Variants in EHBP1 observed in about 807,000 individuals in gnomAD.
The protein encoded by EHBP1 is EH domain-binding protein 1.
A neutral mutation model predicts 144.0 loss-of-function variants in EHBP1; 55 were observed. The observed-to-expected ratio is 0.38, with a 90% CI of 0.31 to 0.48. EHBP1 has a LOEUF of 0.48. Among genes scored for constraint, EHBP1 ranks in the 20% least tolerant of loss-of-function variants. The pLI is 0.98. For synonymous variants in EHBP1, 469 were observed against 472.7 expected (o/e 0.99, Z 0.10); for missense variants, 1,200 against 1,364.2 (o/e 0.88, Z 1.90).
At position 62,948,496 on chromosome 2, in the gene EHBP1, T is replaced by C. The variant is rs1159956972; in HGVS notation, c.1650T>C (p.Tyr550=). ...TNSSVDQEKF[Y]AELSDLKREP... ...GTTCTGTTGATCAAGAAAAATTCTATGCAGAGCTTAGTGATCTGAAGCGGG... is the reference window on the plus strand; with the variant it reads ...GTTCTGTTGATCAAGAAAAATTCTACGCAGAGCTTAGTGATCTGAAGCGGG... Residue 550 remains tyrosine (Y), a synonymous_variant, in exon 13 of 23, where the codon TAT becomes TAC. Transcript: ENST00000431489. 6 of 1,613,820 alleles carry C rather than the reference T, an allele frequency of 3.7e-6. No individual in the cohort carries two copies. Among genetic ancestry groups the C allele is most frequent in the South Asian group, 2.2e-5 (2 of 91,080 alleles).
At chr2:62,681,360 A>ATATATATATATATATATATATATATATAT (rs1276350365) in intron 1 of EHBP1, among the ~76,000 whole-genome samples, 2 of 26,674 alleles carry the variant, frequency 7.5e-5, no homozygotes, top group Non-Finnish European at 1.3e-4. Flanking sequence ...ATATATATAT[A>ATATATATATATATATATATATATATATAT]ATGTGTATAT....
chr2:62,868,650 G>T (rs933469566), intron 9 of EHBP1, among the ~76,000 whole-genome samples: 13 of 86,404 alleles, frequency 1.5e-4, no homozygotes, highest in Admixed American at 4.6e-4. Flanking sequence ...TTTTAACTCA[G>T]TAATAAGAAA....
At chr2:62,794,131 G>T (rs1444360139) in intron 5 of EHBP1, among the ~76,000 whole-genome samples, 1 of 151,972 alleles carries the variant, frequency 6.6e-6, no homozygotes, top group Non-Finnish European at 1.5e-5. Flanking sequence ...CTTTTCTTTA[G>T]TGGCTGGTTT....
intron 10 of EHBP1, among the ~76,000 whole-genome samples, chr2:62,916,867 CTAT>C (rs1238499059): frequency 6.7e-6 from 1 of 149,796 alleles, no homozygotes; most frequent in African/African-American, 2.4e-5. Flanking sequence ...TAAAATATAG[CTAT>C]TATATACAGT....
intron 16 of EHBP1, 48 bp from the exon 17 acceptor site, chr2:62,993,482 A>G: frequency 4.3e-6 from 6 of 1,395,942 alleles, no homozygotes; most frequent in Non-Finnish European, 4.7e-6. Context: ...GTGTAATTTT[A>G]TGTTTATGAG....
At chr2:62,865,010 T>C in intron 9 of EHBP1, 39 bp downstream of exon 9, 1 of 1,602,698 alleles carries the variant, frequency 6.2e-7, no homozygotes, top group Non-Finnish European at 8.5e-7. Flanking sequence ...CAAGTTAGTC[T>C]CTATGTTACC....
chr2:62,954,769 T>C (rs911485833), intron 13 of EHBP1, among the ~76,000 whole-genome samples: 1 of 152,120 alleles, frequency 6.6e-6, no homozygotes, highest in Admixed American at 6.5e-5. Flanking sequence ...AAATTAAGTA[T>C]CTGATAATAG....
rs764189242 is a variant in EHBP1 at position 62,858,527 on chromosome 2, CCTTT to C, written c.635-635_635-632del. 12 of 1,547,998 alleles carry C rather than the reference CCTTT, an allele frequency of 7.8e-6. No individual in the cohort carries two copies. The South Asian group carries it at 1.2e-4, about 16-fold the overall frequency. On this transcript the variant is annotated intron_variant, in intron 7 of 22. Coordinates refer to ENST00000431489, the MANE Select transcript of EHBP1 (RefSeq NM_001142616.3). ...CCTCTGAAGGTCTAAGAGCTTTCCTCCTTTCTTTCTGCTTCTGATTGCCTGTATT... is the reference window on the plus strand; with the variant it reads ...CCTCTGAAGGTCTAAGAGCTTTCCTCCTTTCTGCTTCTGATTGCCTGTATT...
At chr2:62,921,352 GGA>G (rs1486802541) in intron 10 of EHBP1, among the ~76,000 whole-genome samples, 3 of 152,072 alleles carry the variant, frequency 2.0e-5, no homozygotes, top group African/African-American at 7.2e-5. Context: ...GGCTGAGGTA[GGA>G]GGATGGCTTT....
At chr2:62,769,768 A>G (rs932547366) in intron 4 of EHBP1, among the ~76,000 whole-genome samples, 3 of 150,870 alleles carry the variant, frequency 2.0e-5, no homozygotes, top group African/African-American at 7.3e-5. Flanking sequence ...CTGCAGGGCT[A>G]TAATAACCAA....
intron 1 of EHBP1, among the ~76,000 whole-genome samples, chr2:62,685,665 C>A (rs1225456650): frequency 6.6e-6 from 1 of 152,250 alleles, no homozygotes. Context: ...ATGGGTGGAG[C>A]ACAATTCAAC....
chr2:62,676,412 C>G (rs549084141), intron 1 of EHBP1, among the ~76,000 whole-genome samples: 96 of 152,332 alleles, frequency 6.3e-4, no homozygotes, highest in African/African-American at 2.2e-3. Context: ...TTCACAAACA[C>G]ATTTTTGCTG....
At chr2:62,982,985 C>A (rs139071330) in intron 15 of EHBP1, among the ~76,000 whole-genome samples, 19 of 152,246 alleles carry the variant, frequency 1.2e-4, no homozygotes, top group Non-Finnish European at 2.5e-4. Flanking sequence ...TAGCCTAATT[C>A]TTGTGTAAAT....
chr2:62,856,427 T>C (rs1257666117), intron 7 of EHBP1, among the ~76,000 whole-genome samples: 1 of 152,206 alleles, frequency 6.6e-6, no homozygotes, highest in Non-Finnish European at 1.5e-5. Flanking sequence ...TGCAGAGAGC[T>C]GGTGCCTATG....
intron 8 of EHBP1, among the ~76,000 whole-genome samples, chr2:62,863,852 T>TG (rs2049832286): frequency 7.2e-6 from 1 of 138,278 alleles, no homozygotes; most frequent in Non-Finnish European, 1.6e-5. Context: ...TTTTTTTTTT[T>TG]TTTTTTTTTT....
intron 5 of EHBP1, among the ~76,000 whole-genome samples, chr2:62,825,226 A>G (rs1047217856): frequency 1.3e-5 from 2 of 152,090 alleles, no homozygotes; most frequent in Non-Finnish European, 2.9e-5. Flanking sequence ...ATATCTCCCC[A>G]GAATTTACAC....
At chr2:62,847,337 T>C (rs1023027812) in intron 7 of EHBP1, among the ~76,000 whole-genome samples, 2 of 152,150 alleles carry the variant, frequency 1.3e-5, no homozygotes, top group South Asian at 4.1e-4. Context: ...CAAACATTAA[T>C]TCAAGATAGA....
intron 7 of EHBP1, among the ~76,000 whole-genome samples, chr2:62,850,852 G>A (rs565739393): frequency 1.8e-4 from 27 of 152,188 alleles, no homozygotes; most frequent in Middle Eastern, 3.4e-3. Context: ...AAACAGACAA[G>A]TACTTTTTTT....
At chr2:62,884,443 G>A (rs1450955354) in intron 10 of EHBP1, among the ~76,000 whole-genome samples, 3 of 152,156 alleles carry the variant, frequency 2.0e-5, no homozygotes, top group African/African-American at 7.2e-5. Context: ...TGGGCCCCGT[G>A]GGGTTTTATC....
Sources: gnomAD v4.1 joint callset for allele counts (sites outside exome capture counted in the v4.1 genomes callset) on GRCh38, gnomAD v4.1.1 for gene constraint, MANE v1.5 for transcripts, NCBI Gene and HGNC (gene_info 2026-07-23, HGNC 2026-07-21) for gene names.